Variants in PTPRG observed in about 807,000 individuals in gnomAD.
PTPRG encodes the protein receptor-type tyrosine-protein phosphatase gamma.
A neutral mutation model predicts 165.3 loss-of-function variants in PTPRG; 102 were observed. That is an observed-to-expected ratio of 0.62 (90% CI 0.53 to 0.73). PTPRG has a LOEUF of 0.73. Among genes scored for constraint, PTPRG ranks in the 30% least tolerant of loss-of-function variants. The pLI is 0.00. For missense variants in PTPRG, 1,866 were observed against 1,861.4 expected, an observed-to-expected ratio of 1.00 and a Z score of -0.05; for synonymous variants, 675 against 669.5, an observed-to-expected ratio of 1.01 and a Z score of -0.13.
chr3:62,108,141 A>G (rs934300557), intron 5 of PTPRG, among the ~76,000 whole-genome samples: 1 of 151,458 alleles, frequency 6.6e-6, no homozygotes. Flanking sequence ...GGTTTGCTGC[A>G]CCCATCAACC....
At chr3:62,265,808 G>A (rs1193304284) in intron 17 of PTPRG, among the ~76,000 whole-genome samples, 1 of 148,164 alleles carries the variant, frequency 6.7e-6, no homozygotes, top group Non-Finnish European at 1.5e-5. Context: ...ATCAGGCAAG[G>A]ATATGTATAC....
intron 9 of PTPRG, 80 bp downstream of exon 9, chr3:62,191,733 G>T: frequency 1.5e-6 from 2 of 1,374,778 alleles, no homozygotes; most frequent in Non-Finnish European, 2.0e-6. Context: ...GCACTGCACA[G>T]TGTGCCAGCT....
intron 2 of PTPRG, among the ~76,000 whole-genome samples, chr3:61,811,370 T>C (rs565534528): frequency 1.3e-5 from 2 of 152,358 alleles, no homozygotes; most frequent in Admixed American, 6.5e-5. Context: ...AATAAATGCC[T>C]ACTGTTGTTC....
chr3:62,173,960 G>A (rs1234126887), intron 8 of PTPRG, among the ~76,000 whole-genome samples: 2 of 152,116 alleles, frequency 1.3e-5, no homozygotes, highest in Non-Finnish European at 2.9e-5. Context: ...ACTTCTATAT[G>A]GATGTCATCC....
intron 2 of PTPRG, among the ~76,000 whole-genome samples, chr3:61,944,621 C>A (rs1422056913): frequency 6.6e-6 from 1 of 152,070 alleles, no homozygotes; most frequent in South Asian, 2.1e-4. Flanking sequence ...AGTTCGAGAT[C>A]GTTGGATTCA....
intron 4 of PTPRG, among the ~76,000 whole-genome samples, chr3:62,017,495 G>A (rs11130870): frequency 0.65 from 97,039 of 150,398 alleles, 31,649 homozygotes; most frequent in African/African-American, 0.73. Context: ...GGCTCACTGC[G>A]AGCTCCGCCT....
intron 1 of PTPRG, among the ~76,000 whole-genome samples, chr3:61,668,324 G>A (rs1702865516): frequency 6.6e-6 from 1 of 152,178 alleles, no homozygotes. Context: ...CAGGCATTTG[G>A]GGGAAGAGAA....
At chr3:61,680,315 T>C (rs1575585692) in intron 1 of PTPRG, among the ~76,000 whole-genome samples, 2 of 151,474 alleles carry the variant, frequency 1.3e-5, no homozygotes. Context: ...GCAGGGTAGG[T>C]GGAGGTGTGA....
At position 61,621,033 on chromosome 3, in the gene PTPRG, G is replaced by A. The variant is rs75210186; in HGVS notation, c.85+58661G>A. ...TGGACCCATGCCCCAGTGTGTGTGT[G>A]TATATATATATATATATATGTGTGT... On this transcript the variant is annotated intron_variant, in intron 1 of 29. Transcript: ENST00000474889. 4.2e-4 allele frequency among the ~76,000 whole-genome samples: 54 copies of A among 130,060 alleles called. 2 individuals are homozygous for A. The highest frequency in any genetic ancestry group is 1.1e-3 in the African/African-American group (41 of 35,776). 85.3% of individuals were successfully genotyped at this position (130,060 alleles called of 152,430 possible).
chr3:62,288,218 C>A (rs1702745928), intron 28 of PTPRG, among the ~76,000 whole-genome samples: 1 of 149,016 alleles, frequency 6.7e-6, no homozygotes, highest in African/African-American at 2.5e-5. Flanking sequence ...GCATTCAGCT[C>A]AAGCCAGAAA....
At position 61,850,893 on chromosome 3, in the gene PTPRG, A is replaced by T. The variant is rs185139786; in HGVS notation, c.190+101911A>T. On this transcript the variant is annotated intron_variant, in intron 2 of 29. Coordinates refer to ENST00000474889, the MANE Select transcript of PTPRG (RefSeq NM_002841.4). ...TGAAACAGGATATATTTAAAGGTAC[A>T]TCTCAATTTTGCTTTCCTGTGATTT... Among the ~76,000 whole-genome samples, 604 of 152,310 alleles carry T rather than the reference A, an allele frequency of 4.0e-3. 6 individuals carry two copies. The Middle Eastern group carries it at 0.051, about 13-fold the overall frequency.
chr3:61,911,924 A>G (rs577774174), intron 2 of PTPRG, among the ~76,000 whole-genome samples: 2 of 152,132 alleles, frequency 1.3e-5, no homozygotes, highest in Non-Finnish European at 2.9e-5. Context: ...AGTTGTTTCA[A>G]TTTGCATTTC....
intron 16 of PTPRG, among the ~76,000 whole-genome samples, chr3:62,256,205 A>G (rs1171304118): frequency 1.3e-5 from 2 of 152,194 alleles, no homozygotes; most frequent in Non-Finnish European, 2.9e-5. Flanking sequence ...AATGGAAGGT[A>G]AGCACTTTAA....
intron 1 of PTPRG, among the ~76,000 whole-genome samples, chr3:61,593,771 C>G (rs547040571): frequency 6.6e-6 from 1 of 151,078 alleles, no homozygotes; most frequent in Non-Finnish European, 1.5e-5. Context: ...TAGCTGTTCT[C>G]AGTTCTTTAA....
In PTPRG at chr3:61,684,302, G is replaced by C. The variant is rs533898584; in HGVS notation, c.86-64576G>C. 2.2e-4 allele frequency among the ~76,000 whole-genome samples: 33 copies of C among 152,346 alleles called. No homozygotes were observed. In the South Asian group the frequency reaches 5.8e-3, roughly 27 times the overall value. On this transcript the variant is annotated intron_variant, in intron 1 of 29. Coordinates refer to ENST00000474889, the MANE Select transcript of PTPRG (RefSeq NM_002841.4). ...TGCTGCCAGCTCCCCTCCAGGCTGT[G>C]CTGTCGGGACACATCTGTGTGCCTG...
rs1403499061 is a variant in PTPRG, at chr3:61,793,304, G to A, written c.190+44322G>A. Among the ~76,000 whole-genome samples, 3 of 152,148 alleles carry A rather than the reference G, an allele frequency of 2.0e-5. No homozygotes were observed. In the East Asian group the frequency reaches 5.8e-4, roughly 29 times the overall value. ...TTGTGGTGTACCTAGCCAAAGTGGT[G>A]GTTTCAAGACTGGTTATGTGTCTCA... On this transcript the variant is annotated intron_variant, in intron 2 of 29. Coordinates refer to ENST00000474889, the MANE Select transcript of PTPRG (RefSeq NM_002841.4).
intron 5 of PTPRG, among the ~76,000 whole-genome samples, chr3:62,113,825 CCTTTTT>C (rs1436737261): frequency 5.4e-4 from 81 of 149,090 alleles, no homozygotes; most frequent in African/African-American, 2.1e-3. Context: ...TTTTCCTCAT[CCTTTTT>C]AACTACTTCA....
At position 62,110,425 on chromosome 3, in the gene PTPRG, T is replaced by C. The variant is rs578248736; in HGVS notation, c.616-22177T>C. Among the ~76,000 whole-genome samples, 29 of 152,232 alleles carry C rather than the reference T, an allele frequency of 1.9e-4. No individual in the cohort carries two copies. The South Asian group carries it at 4.6e-3, about 24-fold the overall frequency. Reference sequence around the variant, plus strand: ...GAATATTTTCCCCAGCGCGACTTTATTGAGTACAAAATAAATAAATGCCCT... The same window carrying C: ...GAATATTTTCCCCAGCGCGACTTTACTGAGTACAAAATAAATAAATGCCCT... On this transcript the variant is annotated intron_variant, in intron 5 of 29. Transcript: ENST00000474889.
intron 1 of PTPRG, among the ~76,000 whole-genome samples, chr3:61,654,237 C>T (rs77854019): frequency 0.021 from 3,172 of 152,176 alleles, 95 homozygotes; most frequent in African/African-American, 0.067. Context: ...GCCCGCCACC[C>T]CCTGCACCCA....
Sources: gnomAD v4.1 joint callset for allele counts (sites outside exome capture counted in the v4.1 genomes callset) on GRCh38, gnomAD v4.1.1 for gene constraint, MANE v1.5 for transcripts, NCBI Gene and HGNC (gene_info 2026-07-23, HGNC 2026-07-21) for gene names.